MGAT4C: variants seen among roughly 807,000 people sequenced by gnomAD.
MGAT4C encodes MGAT4 family member C.
In MGAT4C, 19 loss-of-function variants were observed where a neutral mutation model predicts 40.1. The observed-to-expected ratio is 0.47, with a 90% CI of 0.33 to 0.70. The LOEUF is 0.70. MGAT4C is among the 30% of genes least tolerant of loss of function. MGAT4C has a pLI of 0.02. For synonymous variants in MGAT4C, 181 were observed against 187.1 expected, an observed-to-expected ratio of 0.97 and a Z score of 0.27; for missense variants, 491 against 563.2, an observed-to-expected ratio of 0.87 and a Z score of 1.30.
intron 2 of MGAT4C, among the ~76,000 whole-genome samples, chr12:86,548,529 T>C (rs1959217502): frequency 6.6e-6 from 1 of 152,106 alleles, no homozygotes; most frequent in African/African-American, 2.4e-5. Context: ...GAATAAATTG[T>C]GAACTATCTT....
At chr12:86,042,115 T>C (rs774121499) in intron 2 of MGAT4C, among the ~76,000 whole-genome samples, 4 of 152,226 alleles carry the variant, frequency 2.6e-5, no homozygotes, top group Non-Finnish European at 4.4e-5. Context: ...CTGTTTTGTC[T>C]GGAATTAAAA....
intron 3 of MGAT4C, among the ~76,000 whole-genome samples, chr12:86,433,885 T>C (rs1957091202): frequency 6.6e-6 from 1 of 152,042 alleles, no homozygotes; most frequent in Admixed American, 6.6e-5. Flanking sequence ...GCATATATGT[T>C]AAATCCTCAT....
At chr12:86,527,941 G>GA (rs1229425539) in intron 2 of MGAT4C, among the ~76,000 whole-genome samples, 32 of 151,840 alleles carry the variant, frequency 2.1e-4, no homozygotes, top group African/African-American at 2.9e-4. Flanking sequence ...AGGTGATGAA[G>GA]AAAAAAATGT....
intron 2 of MGAT4C, among the ~76,000 whole-genome samples, chr12:86,012,265 T>A (rs1444304281): frequency 6.6e-6 from 1 of 152,208 alleles, no homozygotes; most frequent in African/African-American, 2.4e-5. Flanking sequence ...TATGTTGTGT[T>A]TTCAAAAACA....
chr12:86,214,952 T>C (rs536632249), intron 1 of MGAT4C, among the ~76,000 whole-genome samples: 29 of 152,308 alleles, frequency 1.9e-4, no homozygotes, highest in African/African-American at 7.0e-4. Context: ...ATCAGTTTCT[T>C]GTAGATTCAA....
chr12:86,414,929 C>A (rs1956678090), intron 3 of MGAT4C, among the ~76,000 whole-genome samples: 1 of 152,058 alleles, frequency 6.6e-6, no homozygotes, highest in African/African-American at 2.4e-5. Context: ...AAGTTTAACT[C>A]AATGTGTGAC....
intron 1 of MGAT4C, among the ~76,000 whole-genome samples, chr12:86,836,122 G>A (rs914897609): frequency 4.0e-5 from 6 of 151,814 alleles, no homozygotes; most frequent in African/African-American, 1.5e-4. Context: ...CTAGCTTAAC[G>A]GATTTAAACT....
chr12:86,282,685 T>A (rs1318853300), intron 4 of MGAT4C, among the ~76,000 whole-genome samples: 1 of 152,106 alleles, frequency 6.6e-6, no homozygotes, highest in Non-Finnish European at 1.5e-5. Flanking sequence ...AAGTATTAAA[T>A]TTGTTCTGGC....
chr12:86,286,544 A>T (rs78765113), intron 4 of MGAT4C, among the ~76,000 whole-genome samples: 1 of 152,158 alleles, frequency 6.6e-6, no homozygotes, highest in Non-Finnish European at 1.5e-5. Flanking sequence ...AAAATTGAAT[A>T]TTCATGACAG....
intron 1 of MGAT4C, among the ~76,000 whole-genome samples, chr12:86,055,663 A>G (rs1893313264): frequency 6.6e-6 from 1 of 152,020 alleles, no homozygotes; most frequent in Non-Finnish European, 1.5e-5. Context: ...CTGGATACAC[A>G]TGTTAATATA....
At chr12:86,711,059 G>A (rs1950547618) in intron 2 of MGAT4C, among the ~76,000 whole-genome samples, 1 of 151,988 alleles carries the variant, frequency 6.6e-6, no homozygotes, top group Non-Finnish European at 1.5e-5. Flanking sequence ...GGGATTGAGG[G>A]ATAAAAGACT....
chr12:86,333,893 C>A (rs112711763), intron 4 of MGAT4C, among the ~76,000 whole-genome samples: 1,574 of 152,176 alleles, frequency 0.01, 31 homozygotes, highest in African/African-American at 0.036. Flanking sequence ...TTCTTTTAAA[C>A]TAAACAGTAA....
chr12:86,378,180 C>T (rs148157500), intron 3 of MGAT4C, among the ~76,000 whole-genome samples: 25 of 152,186 alleles, frequency 1.6e-4, no homozygotes, highest in African/African-American at 6.0e-4. Context: ...GTACAAATGG[C>T]TCTTCAAGAT....
chr12:86,091,562 T>C (rs1872886989), intron 1 of MGAT4C, among the ~76,000 whole-genome samples: 1 of 152,080 alleles, frequency 6.6e-6, no homozygotes, highest in Admixed American at 6.6e-5. Flanking sequence ...TATTAGATTT[T>C]TGTTCTGAAA....
At chr12:86,242,871 G>A (rs770757306) in intron 1 of MGAT4C, among the ~76,000 whole-genome samples, 3 of 151,940 alleles carry the variant, frequency 2.0e-5, no homozygotes, top group African/African-American at 4.8e-5. Flanking sequence ...AACTTTCAGC[G>A]ATGCAAGTTA....
chr12:86,057,787 G>A (rs1279244057), intron 1 of MGAT4C, among the ~76,000 whole-genome samples: 2 of 152,132 alleles, frequency 1.3e-5, no homozygotes, highest in Non-Finnish European at 2.9e-5. Flanking sequence ...TAAATGACTA[G>A]TATAATAAAT....
At chr12:86,682,590 T>A (rs1052066397) in intron 2 of MGAT4C, among the ~76,000 whole-genome samples, 2 of 152,122 alleles carry the variant, frequency 1.3e-5, no homozygotes, top group African/African-American at 4.8e-5. Flanking sequence ...CCATGACAAC[T>A]AAATGTGGAA....
intron 4 of MGAT4C, among the ~76,000 whole-genome samples, chr12:86,265,581 A>T (rs921282677): frequency 6.6e-6 from 1 of 152,194 alleles, no homozygotes; most frequent in Admixed American, 6.5e-5. Flanking sequence ...ATTTGAAGTC[A>T]GGCGATGTGA....
At chr12:86,410,540 G>T (rs149270502) in intron 3 of MGAT4C, among the ~76,000 whole-genome samples, 1 of 152,048 alleles carries the variant, frequency 6.6e-6, no homozygotes, top group Admixed American at 6.5e-5. Flanking sequence ...CCCTAAAATC[G>T]CTGTTATTCT....
Sources: gnomAD v4.1 joint callset for allele counts (sites outside exome capture counted in the v4.1 genomes callset) on GRCh38, gnomAD v4.1.1 for gene constraint, MANE v1.5 for transcripts, NCBI Gene and HGNC (gene_info 2026-07-23, HGNC 2026-07-21) for gene names.